Variants in TLN1 observed in about 807,000 individuals in gnomAD.
The protein encoded by TLN1 is talin-1.
TLN1 carries 56 observed loss-of-function variants against 292.3 expected under a neutral mutation model. That is an observed-to-expected ratio of 0.19 (90% confidence interval 0.15 to 0.24). The LOEUF (loss-of-function observed/expected upper bound fraction) is 0.24. TLN1 is among the 10% of genes least tolerant of loss of function. The pLI is 1.00. For synonymous variants in TLN1, 1,119 were observed against 1,253.7 expected (o/e 0.89, Z 2.27); for missense variants, 2,433 against 3,248.2 (o/e 0.75, Z 6.10).
chr9:35,705,882 C>T (rs1291011967), intron 41 of TLN1, 31 bp from the exon 42 acceptor site: 1 of 1,614,118 alleles, frequency 6.2e-7, no homozygotes, highest in East Asian at 2.2e-5. Flanking sequence ...AAGGGAAAGA[C>T]TGTTAGGGTC....
intron 27 of TLN1, 118 bp from the exon 28 acceptor site, chr9:35,712,242 G>C: frequency 7.4e-7 from 1 of 1,354,062 alleles, no homozygotes; most frequent in Non-Finnish European, 9.8e-7. Context: ...AAAGAAAGGG[G>C]GCGTTGTAGG....
intron 1 of TLN1, among the ~76,000 whole-genome samples, chr9:35,726,019 TC>T (rs1462180173): frequency 6.6e-6 from 1 of 152,112 alleles, no homozygotes; most frequent in Non-Finnish European, 1.5e-5. Flanking sequence ...TTCACGCCAT[TC>T]TCCTGTCTCA....
chr9:35,730,126 G>A (rs1371287999), intron 1 of TLN1, among the ~76,000 whole-genome samples: 2 of 151,868 alleles, frequency 1.3e-5, no homozygotes, highest in African/African-American at 4.8e-5. Context: ...GATGGGGTGA[G>A]GTCAGAGGCC....
chr9:35,720,918 G>A lies in TLN1; in HGVS notation c.1105-5C>T, dbSNP rs143725891. 548 of 1,607,802 alleles carry A rather than the reference G, an allele frequency of 3.4e-4. 1 individual carries two copies. In the African/African-American group the frequency reaches 5.9e-3, roughly 17 times the overall value. Reference sequence around the variant, plus strand: ...ATCTTGGTAATCTCCAAAATCCTAGGGTGACAAGTGGGGGACTCAGAGGGA... The same window carrying A: ...ATCTTGGTAATCTCCAAAATCCTAGAGTGACAAGTGGGGGACTCAGAGGGA... On this transcript the variant is annotated splice_polypyrimidine_tract_variant and splice_region_variant and intron_variant, in intron 10 of 56. Transcript: ENST00000314888.
At chr9:35,730,296 A>C (rs1826051036) in intron 1 of TLN1, among the ~76,000 whole-genome samples, 1 of 151,970 alleles carries the variant, frequency 6.6e-6, no homozygotes, top group Non-Finnish European at 1.5e-5. Flanking sequence ...CAGGCTGAGT[A>C]GAGGATAGTG....
rs1303480705 is a variant in TLN1, at chr9:35,699,134, C to G, written c.6897G>C (p.Glu2299Asp). 1 of 1,612,816 alleles carries G rather than the reference C, an allele frequency of 6.2e-7. No individual in the cohort carries two copies. Among genetic ancestry groups the G allele is most frequent in the Non-Finnish European group, 8.5e-7 (1 of 1,179,252 alleles). The change falls in exon 52 of 57, where the codon GAG becomes GAC. Residue 2299 changes from glutamate (E) to aspartate (D), a missense_variant. By Grantham distance (45) the Glu-to-Asp change is conservative. This residue lies in a region of TLN1 where 1,384 missense variants were observed against 1,699.6 expected (regional missense o/e 0.81). Transcript: ENST00000314888. The surrounding 1 kb of genome is among the most constrained non-coding windows in gnomAD (Gnocchi z 4.0). ...AMKGTEWVDP[E>D]DPTVIAENEL... Reference sequence around the variant, plus strand: ...CATTCTCAGCAATGACTGTGGGGTCCTCTGGGTCTACCCATTCTGTTCCTG... The same window carrying G: ...CATTCTCAGCAATGACTGTGGGGTCGTCTGGGTCTACCCATTCTGTTCCTG...
chr9:35,723,227 G>A (rs554482937), intron 7 of TLN1: 59 of 263,366 alleles, frequency 2.2e-4, no homozygotes, highest in African/African-American at 1.2e-3. Flanking sequence ...TCAGCCTCCC[G>A]AGTAGCTGGG....
rs752941688 is a variant in TLN1, at chr9:35,712,108, G to A, written c.3578C>T (p.Thr1193Ile). ...GCTGACACAGCGGTTCAGAGCCTGG[G>A]TCACTGCTTTAGCCACCTGGGGTGA... is the stretch of plus-strand genomic sequence containing the variant. ...QRLAQVAKAVTQALNRCVSCL... is the reference protein window; with the variant it reads ...QRLAQVAKAVIQALNRCVSCL... The change falls in exon 28 of 57, where the codon ACC (threonine) becomes ATC (isoleucine). Residue 1193 changes from threonine to isoleucine, a missense_variant. Physicochemically the swap from Thr to Ile is moderately conservative, Grantham distance 89 (BLOSUM62 -1). Around this residue, in one of 7 missense-constraint regions of TLN1, gnomAD observed 1,384 missense variants for 1,699.6 expected, o/e 0.81. Transcript: ENST00000314888. The A allele has an allele frequency of 3.1e-6, 5 of 1,613,702 alleles. No individual in the cohort carries two copies. Among genetic ancestry groups the A allele is most frequent in the Non-Finnish European group, 4.2e-6 (5 of 1,179,892 alleles).
chr9:35,709,529 T>C (rs927301953), intron 33 of TLN1, among the ~76,000 whole-genome samples: 3 of 152,148 alleles, frequency 2.0e-5, no homozygotes, highest in African/African-American at 7.2e-5. Context: ...CTTGATAATG[T>C]GGGAAAAGGC....
intron 17 of TLN1, among the ~76,000 whole-genome samples, 200 bp downstream of exon 17, chr9:35,718,612 C>T (rs1825827289): frequency 6.6e-6 from 1 of 152,046 alleles, no homozygotes; most frequent in Non-Finnish European, 1.5e-5. Context: ...AGTAAACTAG[C>T]AGGTTAAGTT....
chr9:35,697,772 T>A lies in TLN1; in HGVS notation c.*19A>T. On this transcript the variant is annotated 3_prime_UTR_variant, in exon 57 of 57. Coordinates refer to ENST00000314888, the MANE Select transcript of TLN1 (RefSeq NM_006289.4). ...GCACAGTCTCTGGGCCGGGTCTGCA[T>A]TAAATAGAAGAGGCTTCTTTAGTGC... 1 of 1,613,590 alleles carries A rather than the reference T, an allele frequency of 6.2e-7. No homozygotes were observed. Among genetic ancestry groups the A allele is most frequent in the Non-Finnish European group, 8.5e-7 (1 of 1,179,864 alleles).
In TLN1 at chr9:35,721,814, G is replaced by C. The variant is rs1416382990; in HGVS notation, c.949-11C>G. ...CCCTTTCATTTTTTCCTATGAGGCA[G>C]AGGTTGGTGTTGGTGTTACAGGTCA... On this transcript the variant is annotated splice_polypyrimidine_tract_variant and intron_variant, in intron 9 of 56. Coordinates refer to ENST00000314888, the MANE Select transcript of TLN1 (RefSeq NM_006289.4). The C allele has an allele frequency of 1.2e-6, 2 of 1,606,992 alleles. No individual in the cohort carries two copies. Among genetic ancestry groups the C allele is most frequent in the African/African-American group, 2.7e-5 (2 of 74,928 alleles).
rs1354962245 is a variant in TLN1 at position 35,717,110 on chromosome 9, T to G, written c.2458+36A>C. ...GTCCAGTGGGCTTAGGGAACCCTGG[T>G]AGGGTTTTTTGTTTTCCTGGGGGTG... On this transcript the variant is annotated intron_variant, in intron 19 of 56. Transcript: ENST00000314888. This position sits in a 1 kb window ranked among gnomAD's most constrained non-coding sequence, Gnocchi z 4.7. The G allele has an allele frequency of 6.4e-7, 1 of 1,560,950 alleles. No individual in the cohort carries two copies. The highest frequency in any genetic ancestry group is 1.2e-5 in the South Asian group (1 of 83,414).
chr9:35,725,364 A>G (rs184137897), intron 2 of TLN1, 43 bp from the exon 3 acceptor site: 17 of 1,596,458 alleles, frequency 1.1e-5, no homozygotes, highest in African/African-American at 8.1e-5. Flanking sequence ...GAAGACCCCA[A>G]TGTGGCTGAA....
chr9:35,720,045 A>C lies in TLN1; in HGVS notation c.1458T>G (p.Pro486=), dbSNP rs1473230250. The C allele has an allele frequency of 6.3e-7, 1 of 1,587,152 alleles. No individual in the cohort carries two copies. Among genetic ancestry groups the C allele is most frequent in the South Asian group, 1.2e-5 (1 of 86,452 alleles). ...TSGQMHRGHM[P]PLTSAQQALT... is the part of the protein sequence containing the mutation. ...GTGGAAGTGGGACACTTACCAGAGGAGGCATGTGTCCTCGGTGCATCTGGC... is the reference window on the plus strand; with the variant it reads ...GTGGAAGTGGGACACTTACCAGAGGCGGCATGTGTCCTCGGTGCATCTGGC... The change falls in exon 13 of 57, where the codon CCT becomes CCG. Residue 486 remains proline (P), a synonymous_variant. Coordinates refer to ENST00000314888, the MANE Select transcript of TLN1 (RefSeq NM_006289.4).
At chr9:35,723,850 A>C in intron 7 of TLN1, 102 bp downstream of exon 7, 1 of 1,549,178 alleles carries the variant, frequency 6.5e-7, no homozygotes, top group Non-Finnish European at 8.7e-7. Flanking sequence ...ACCTCGGAAG[A>C]AGAAATAGTG....
At chr9:35,720,963 A>G (rs779126160) in intron 10 of TLN1, 50 bp from the exon 11 acceptor site, 1 of 1,470,210 alleles carries the variant, frequency 6.8e-7, no homozygotes, top group Admixed American at 1.7e-5. Context: ...TCTATCCAGG[A>G]TGGAAATGGC....
Position 35,718,823 on chromosome 9 carries a change from GGTCA to G in TLN1, c.1980_1983del (p.Asp661ProfsTer7), listed in dbSNP as rs1483424077. On this transcript the variant is annotated frameshift_variant, in exon 17 of 57. Coordinates refer to ENST00000314888, the MANE Select transcript of TLN1 (RefSeq NM_006289.4). LOFTEE classifies it high-confidence loss of function. ...GGTAAGTCACCAACCTGGAAGTGGG[GGTCA>G]GTATCACTTTCCCCAATTTGTTGCA... 2 of 1,613,412 alleles carry G rather than the reference GGTCA, an allele frequency of 1.2e-6. No homozygotes were observed. Among genetic ancestry groups the G allele is most frequent in the African/African-American group, 1.3e-5 (1 of 74,872 alleles).
At position 35,707,873 on chromosome 9, in the gene TLN1, A is replaced by G. The variant is rs138986367; in HGVS notation, c.4490T>C (p.Ile1497Thr). The part of the protein sequence containing the change: ...TQAQVLSAAT[I>T]VAKHTSALCN... ...CAGTGCAGAGGTGTGTTTAGCCACAATGGTGGCTGCAGAGAGCACCTGAGG... is the reference window on the plus strand; with the variant it reads ...CAGTGCAGAGGTGTGTTTAGCCACAGTGGTGGCTGCAGAGAGCACCTGAGG... The change falls in exon 35 of 57, where the codon ATT becomes ACT. Residue 1497 changes from isoleucine (I) to threonine (T), a missense_variant. Physicochemically the swap from Ile to Thr is moderately conservative, Grantham distance 89 (BLOSUM62 -1). Transcript: ENST00000314888. This position sits in a 1 kb window ranked among gnomAD's most constrained non-coding sequence, Gnocchi z 5.6. The G allele has an allele frequency of 5.5e-5, 89 of 1,614,002 alleles. No homozygotes were observed. Among genetic ancestry groups the G allele is most frequent in the African/African-American group, 8.0e-5 (6 of 74,922 alleles).
Sources: allele counts gnomAD v4.1 joint callset (sites outside exome capture counted in the v4.1 genomes callset), GRCh38; gene constraint gnomAD v4.1.1; regional missense constraint gnomAD v4.1.1; non-coding constraint Gnocchi (gnomAD v3.1); transcripts MANE v1.5; gene names NCBI Gene and HGNC (gene_info 2026-07-23, HGNC 2026-07-21).